Variants in AMBRA1 observed in about 807,000 individuals in gnomAD.
The protein encoded by AMBRA1 is activating molecule in BECN1-regulated autophagy protein 1.
Under a neutral mutation model 125.4 loss-of-function variants are expected in AMBRA1, and 47 were observed. The ratio of observed to expected loss-of-function variants is 0.37; its 90% CI spans 0.30 to 0.48. The LOEUF is 0.48. AMBRA1 is among the 20% of genes least tolerant of loss of function. The pLI, the probability that AMBRA1 is intolerant of heterozygous loss-of-function variation, is 0.99. For missense variants in AMBRA1, 1,331 were observed against 1,693.4 expected (o/e 0.79, Z 3.76); for synonymous variants, 626 against 655.5 (o/e 0.95, Z 0.69).
chr11:46,498,897 C>G (rs371215239), intron 9 of AMBRA1, among the ~76,000 whole-genome samples: 1 of 152,324 alleles, frequency 6.6e-6, no homozygotes, highest in African/African-American at 2.4e-5. Flanking sequence ...AACAGAAGGC[C>G]TAGCTGGTAT....
At chr11:46,532,063 G>A (rs554116809) in intron 7 of AMBRA1, among the ~76,000 whole-genome samples, 2 of 151,566 alleles carry the variant, frequency 1.3e-5, no homozygotes, top group East Asian at 2.0e-4. Context: ...AAGTTGCAGT[G>A]AGCTGAGATC....
chr11:46,451,871 G>C (rs1171960732), intron 11 of AMBRA1: 1 of 144,408 alleles, frequency 6.9e-6, no homozygotes, highest in Non-Finnish European at 1.5e-5. Flanking sequence ...GCTGAGACTA[G>C]AAAGCCCAGG....
intron 1 of AMBRA1, among the ~76,000 whole-genome samples, chr11:46,556,561 A>G (rs903998152): frequency 1.3e-5 from 2 of 152,220 alleles, no homozygotes; most frequent in African/African-American, 4.8e-5. Flanking sequence ...GTTATTATCC[A>G]TAACATCCAA....
chr11:46,429,648 T>C (rs1025638917), intron 14 of AMBRA1, among the ~76,000 whole-genome samples: 23 of 152,198 alleles, frequency 1.5e-4, no homozygotes, highest in African/African-American at 5.5e-4. Context: ...GTTTCATCAG[T>C]AATTTTGTAT....
At chr11:46,577,988 G>A (rs2044020050) in intron 1 of AMBRA1, among the ~76,000 whole-genome samples, 1 of 152,102 alleles carries the variant, frequency 6.6e-6, no homozygotes, top group African/African-American at 2.4e-5. Context: ...GCTAGAAGCT[G>A]AGTGTGGTGG....
chr11:46,563,338 T>A (rs1341978777), intron 1 of AMBRA1, among the ~76,000 whole-genome samples: 1 of 152,118 alleles, frequency 6.6e-6, no homozygotes, highest in Non-Finnish European at 1.5e-5. Flanking sequence ...GATCTTCCCA[T>A]CTCGGCCTCC....
intron 9 of AMBRA1, among the ~76,000 whole-genome samples, chr11:46,496,694 A>T (rs965360692): frequency 6.6e-6 from 1 of 152,160 alleles, no homozygotes; most frequent in African/African-American, 2.4e-5. Context: ...AAAAGGGGCA[A>T]ACCCCAGGGC....
chr11:46,590,371 G>A (rs1357560774), intron 1 of AMBRA1, among the ~76,000 whole-genome samples: 1 of 151,756 alleles, frequency 6.6e-6, no homozygotes, highest in Non-Finnish European at 1.5e-5. Context: ...ATGTAAGCCA[G>A]GTGCATGCAC....
At chr11:46,578,073 A>G (rs2044022507) in intron 1 of AMBRA1, among the ~76,000 whole-genome samples, 1 of 152,122 alleles carries the variant, frequency 6.6e-6, no homozygotes, top group South Asian at 2.1e-4. Flanking sequence ...AGTGAACTAC[A>G]ATCACCACTG....
chr11:46,439,285 A>C (rs953381919), intron 12 of AMBRA1, among the ~76,000 whole-genome samples: 3 of 152,220 alleles, frequency 2.0e-5, no homozygotes, highest in South Asian at 2.1e-4. Flanking sequence ...AAAAATAATA[A>C]TAAGTAAAAT....
chr11:46,397,929 A>C lies in AMBRA1; in HGVS notation c.3418T>G (p.Tyr1140Asp). The part of the protein sequence containing the change: ...SGPGEGEGSE[Y>D]GASGEDALSR... ...AGCGCATCTTCTCCACTGGCACCAT[A>C]CTCTGAACCCTCACCTGGCAGATAC... is the stretch of plus-strand genomic sequence containing the variant. Residue 1140 changes from tyrosine (Y) to aspartate (D), a missense_variant, in exon 18 of 18, where the codon TAT (tyrosine) becomes GAT (aspartate). Coordinates refer to ENST00000683756, the MANE Select transcript of AMBRA1 (RefSeq NM_001387011.1). 6.3e-7 allele frequency: 1 copy of C among 1,591,868 alleles called. No individual in the cohort carries two copies. The highest frequency in any genetic ancestry group is 1.1e-5 in the South Asian group (1 of 90,880).
intron 12 of AMBRA1, 78 bp downstream of exon 12, chr11:46,443,410 T>C (rs1256196969): frequency 3.6e-6 from 4 of 1,126,500 alleles, no homozygotes; most frequent in African/African-American, 3.1e-5. Context: ...AAAAACCCAG[T>C]GCTCCATGAA....
At chr11:46,475,583 A>C (rs567421239) in intron 11 of AMBRA1, among the ~76,000 whole-genome samples, 4 of 152,234 alleles carry the variant, frequency 2.6e-5, no homozygotes, top group Admixed American at 6.5e-5. Flanking sequence ...CAAATTCAGA[A>C]GGCCCAAGGA....
intron 11 of AMBRA1, among the ~76,000 whole-genome samples, chr11:46,457,654 A>T (rs1948909095): frequency 6.6e-6 from 1 of 152,190 alleles, no homozygotes; most frequent in Non-Finnish European, 1.5e-5. Flanking sequence ...TAATCCCAGC[A>T]CTTTGGAAGG....
At chr11:46,480,766 C>T (rs1028513986) in intron 11 of AMBRA1, among the ~76,000 whole-genome samples, 5 of 152,154 alleles carry the variant, frequency 3.3e-5, no homozygotes, top group Non-Finnish European at 7.3e-5. Context: ...TATATACATA[C>T]TGCAAGTCCC....
chr11:46,561,187 C>T (rs1440163828), intron 1 of AMBRA1, among the ~76,000 whole-genome samples: 1 of 152,078 alleles, frequency 6.6e-6, no homozygotes, highest in Non-Finnish European at 1.5e-5. Context: ...TCGAGACTAG[C>T]CTGGCCAACA....
intron 1 of AMBRA1, among the ~76,000 whole-genome samples, chr11:46,574,943 T>A (rs1432464876): frequency 2.0e-5 from 3 of 152,234 alleles, no homozygotes; most frequent in African/African-American, 7.2e-5. Flanking sequence ...ACGGTTCACA[T>A]TCAAAAGTTA....
chr11:46,560,056 T>C (rs1408839243), intron 1 of AMBRA1, among the ~76,000 whole-genome samples: 2 of 152,298 alleles, frequency 1.3e-5, no homozygotes, highest in East Asian at 3.9e-4. Context: ...ACTACAGTGA[T>C]TATAAAAAGC....
Position 46,435,092 on chromosome 11 carries a change from A to C in AMBRA1, c.2633-55T>G, listed in dbSNP as rs1040818087. 4.1e-6 allele frequency: 6 copies of C among 1,476,964 alleles called. No individual in the cohort carries two copies. The African/African-American group carries it at 8.4e-5, about 21-fold the overall frequency. 91.5% of individuals were successfully genotyped at this position (1,476,964 alleles called of 1,614,324 possible). On this transcript the variant is annotated intron_variant, in intron 12 of 17. Transcript: ENST00000683756. Reference sequence around the variant, plus strand: ...AAGAAACTTTGGAGTTGATACTGTAAAAATTCTGGGGCCAAGAAACTTTAG... The same window carrying C: ...AAGAAACTTTGGAGTTGATACTGTACAAATTCTGGGGCCAAGAAACTTTAG...
Sources: gnomAD v4.1 joint callset for allele counts (sites outside exome capture counted in the v4.1 genomes callset) on GRCh38, gnomAD v4.1.1 for gene constraint, MANE v1.5 for transcripts, NCBI Gene and HGNC (gene_info 2026-07-23, HGNC 2026-07-21) for gene names.